KCNH7: variants seen among roughly 807,000 people sequenced by gnomAD.
KCNH7 encodes the protein voltage-gated inwardly rectifying potassium channel KCNH7.
A neutral mutation model predicts 120.8 loss-of-function variants in KCNH7; 49 were observed. The observed-to-expected ratio is 0.41, with a 90% confidence interval of 0.32 to 0.51. KCNH7 has a LOEUF of 0.51. Among genes scored for constraint, KCNH7 ranks in the 20% least tolerant of loss-of-function variants. KCNH7 has a pLI of 0.38. For synonymous variants in KCNH7, 547 were observed against 516.1 expected, an observed-to-expected ratio of 1.06 and a Z score of -0.81; for missense variants, 1,097 against 1,446.6, an observed-to-expected ratio of 0.76 and a Z score of 3.92.
chr2:162,513,358 T>TTTGC (rs1691162122), intron 4 of KCNH7, among the ~76,000 whole-genome samples: 2 of 91,700 alleles, frequency 2.2e-5, no homozygotes, highest in Non-Finnish European at 4.2e-5. Flanking sequence ...TCCCTCCTTC[T>TTTGC]TTCCTTCCTT....
chr2:162,657,469 A>T (rs551439038), intron 2 of KCNH7, among the ~76,000 whole-genome samples: 4 of 152,340 alleles, frequency 2.6e-5, no homozygotes, highest in African/African-American at 9.6e-5. Flanking sequence ...GTACCTTCTT[A>T]AACCATGTCT....
At chr2:162,572,283 A>G (rs1283106756) in intron 2 of KCNH7, among the ~76,000 whole-genome samples, 1 of 149,684 alleles carries the variant, frequency 6.7e-6, no homozygotes, top group African/African-American at 2.5e-5. Flanking sequence ...GCAGCCAAAA[A>G]ACACATGAAA....
In KCNH7 at chr2:162,775,715, C is replaced by T. The variant is rs146130143; in HGVS notation, c.307+60822G>A. 2.9e-3 allele frequency among the ~76,000 whole-genome samples: 439 copies of T among 152,238 alleles called. 4 individuals carry two copies. The highest frequency in any genetic ancestry group is 9.7e-3 in the African/African-American group (405 of 41,554). ...CTCCTTGATGTCCATTAAGTTGCTG[C>T]TATACAATTTCATTTTCTTGTTTTT... is the stretch of plus-strand genomic sequence containing the variant. On this transcript the variant is annotated intron_variant, in intron 2 of 15. Transcript: ENST00000332142.
rs1364313314 is a variant in KCNH7 at position 162,387,146 on chromosome 2, G to T, written c.2711-2207C>A. On this transcript the variant is annotated intron_variant, in intron 12 of 15. Coordinates refer to ENST00000332142, the MANE Select transcript of KCNH7 (RefSeq NM_033272.4). Reference sequence around the variant, plus strand: ...GAAAAAAAAACCCACCTTTATTTCTGTATTAGTTGCTACTGGACTATCACC... The same window carrying T: ...GAAAAAAAAACCCACCTTTATTTCTTTATTAGTTGCTACTGGACTATCACC... Among the ~76,000 whole-genome samples the T allele has an allele frequency of 6.7e-4, 100 of 150,122 alleles. 1 individual carries two copies. In the Admixed American group the frequency reaches 6.7e-3, roughly 10 times the overall value.
At chr2:162,564,171 G>T (rs1693167439) in intron 2 of KCNH7, among the ~76,000 whole-genome samples, 1 of 151,710 alleles carries the variant, frequency 6.6e-6, no homozygotes, top group Non-Finnish European at 1.5e-5. Flanking sequence ...CTTTGATCCT[G>T]TTTTTCCATC....
intron 2 of KCNH7, among the ~76,000 whole-genome samples, chr2:162,636,320 C>T (rs1184112661): frequency 6.6e-6 from 1 of 151,948 alleles, no homozygotes; most frequent in African/African-American, 2.4e-5. Context: ...TGAATGTTGC[C>T]CAGCATTTAC....
Position 162,838,530 on chromosome 2 carries a change from T to G in KCNH7, c.-12A>C, listed in dbSNP as rs1447870975. 6.2e-7 allele frequency: 1 copy of G among 1,609,400 alleles called. No homozygotes were observed. Among genetic ancestry groups the G allele is most frequent in the South Asian group, 1.1e-5 (1 of 90,960 alleles). ...CTGCGCACAGGCATGTTGGCCCCGG[T>G]CTTCCGAGGAGCGCTCCCCCGGAGC... On this transcript the variant is annotated 5_prime_UTR_variant, in exon 1 of 16. Coordinates refer to ENST00000332142, the MANE Select transcript of KCNH7 (RefSeq NM_033272.4).
intron 2 of KCNH7, chr2:162,784,688 T>C (rs1352684871): frequency 6.6e-6 from 1 of 152,176 alleles, no homozygotes; most frequent in Non-Finnish European, 1.5e-5. Context: ...CTGAGTTTCA[T>C]TGTCTTCATC....
chr2:162,511,959 T>G (rs567670713), intron 5 of KCNH7, among the ~76,000 whole-genome samples: 88 of 151,784 alleles, frequency 5.8e-4, no homozygotes, highest in Non-Finnish European at 1.1e-3. Flanking sequence ...TTATCATATT[T>G]TGTGATCCTT....
chr2:162,744,476 C>G (rs1574332253), intron 2 of KCNH7, among the ~76,000 whole-genome samples: 1 of 151,898 alleles, frequency 6.6e-6, no homozygotes, highest in Non-Finnish European at 1.5e-5. Flanking sequence ...GGCAGGTATT[C>G]ACAGTTCCAC....
At chr2:162,625,538 C>T (rs994084791) in intron 2 of KCNH7, among the ~76,000 whole-genome samples, 1 of 152,104 alleles carries the variant, frequency 6.6e-6, no homozygotes, top group African/African-American at 2.4e-5. Flanking sequence ...AGGGCCCAGG[C>T]AGCAAGACCC....
At chr2:162,526,031 T>A (rs999851575) in intron 3 of KCNH7, among the ~76,000 whole-genome samples, 2 of 151,920 alleles carry the variant, frequency 1.3e-5, no homozygotes, top group Admixed American at 6.6e-5. Flanking sequence ...TCCCTAAGTG[T>A]CGGCCAGTCT....
At chr2:162,527,001 C>T (rs1370302301) in intron 3 of KCNH7, among the ~76,000 whole-genome samples, 2 of 152,002 alleles carry the variant, frequency 1.3e-5, no homozygotes, top group Non-Finnish European at 2.9e-5. Context: ...TCACAATCCA[C>T]GTTCTTCTGC....
At chr2:162,738,091 A>AG (rs1213647101) in intron 2 of KCNH7, among the ~76,000 whole-genome samples, 5 of 145,832 alleles carry the variant, frequency 3.4e-5, no homozygotes, top group African/African-American at 1.3e-4. Flanking sequence ...AAAAAAAAAA[A>AG]GTTGTGAAAA....
At chr2:162,758,703 T>C (rs1246687753) in intron 2 of KCNH7, among the ~76,000 whole-genome samples, 4 of 152,142 alleles carry the variant, frequency 2.6e-5, no homozygotes, top group African/African-American at 9.7e-5. Flanking sequence ...TCTGTATAAA[T>C]TATTTCCTAT....
intron 2 of KCNH7, among the ~76,000 whole-genome samples, chr2:162,614,677 G>GTA (rs1683080400): frequency 6.7e-6 from 1 of 148,334 alleles, no homozygotes; most frequent in Admixed American, 6.8e-5. Context: ...CCTGAGGAAT[G>GTA]TATATATATT....
rs76898727 is a variant in KCNH7 at position 162,740,676 on chromosome 2, C to T, written c.307+95861G>A. On this transcript the variant is annotated intron_variant, in intron 2 of 15. Transcript: ENST00000332142. ...CAGCCTGTCAATCTTACAGCAGGTC[C>T]AAGTTCTCTTAATTCCTGGCCAGAT... 6.8e-3 allele frequency among the ~76,000 whole-genome samples: 1,037 copies of T among 152,276 alleles called. 33 individuals are homozygous for T. The East Asian group carries it at 0.11, about 16-fold the overall frequency.
At chr2:162,745,607 AAT>A (rs1272187529) in intron 2 of KCNH7, among the ~76,000 whole-genome samples, 3 of 152,232 alleles carry the variant, frequency 2.0e-5, no homozygotes, top group Admixed American at 6.5e-5. Context: ...TGGAAAAATC[AAT>A]AGTCACCACA....
chr2:162,734,266 A>G (rs1454388859), intron 2 of KCNH7, among the ~76,000 whole-genome samples: 3 of 152,280 alleles, frequency 2.0e-5, no homozygotes, highest in African/African-American at 7.2e-5. Context: ...TACTATGTAT[A>G]GGAAAATATG....
Sources: allele counts gnomAD v4.1 joint callset (sites outside exome capture counted in the v4.1 genomes callset), GRCh38; gene constraint gnomAD v4.1.1; transcripts MANE v1.5; gene names NCBI Gene and HGNC (gene_info 2026-07-23, HGNC 2026-07-21).